Variants in EPB41L4A observed in about 807,000 individuals in gnomAD.
EPB41L4A encodes band 4.1-like protein 4A.
In EPB41L4A, 100 loss-of-function variants were observed where a neutral mutation model predicts 108.6. That is an observed-to-expected ratio of 0.92 (90% CI 0.78 to 1.09). EPB41L4A has a LOEUF of 1.09. Ranked by LOEUF, EPB41L4A falls within the 50% of genes least tolerant of loss-of-function variation. The probability of loss-of-function intolerance (pLI) is 0.00; values close to 1 mark genes in which losing one functional copy is unlikely to be tolerated. For missense variants in EPB41L4A, 1,030 were observed against 842.7 expected, an observed-to-expected ratio of 1.22 and a Z score of -2.75; for synonymous variants, 319 against 289.0, an observed-to-expected ratio of 1.10 and a Z score of -1.05.
chr5:112,239,653 C>A lies in EPB41L4A; in HGVS notation c.965+7G>T, dbSNP rs1749629932. On this transcript the variant is annotated splice_region_variant and intron_variant, in intron 11 of 22. Transcript: ENST00000261486. The stretch of plus-strand genomic sequence containing the variant: ...CACATCCCCCCAAGGAAAAAAATGT[C>A]ATTTACCTGTAGCGGTGCTTATAAC... The A allele has an allele frequency of 1.3e-6, 2 of 1,573,980 alleles. No individual in the cohort carries two copies. The highest frequency in any genetic ancestry group is 1.8e-5 in the Admixed American group (1 of 54,642).
At chr5:112,345,169 T>C (rs1035124386) in intron 1 of EPB41L4A, among the ~76,000 whole-genome samples, 10 of 152,340 alleles carry the variant, frequency 6.6e-5, no homozygotes, top group African/African-American at 2.4e-4. Context: ...GCCCACAGCA[T>C]GTCCAGAGTT....
chr5:112,323,984 G>T (rs1390287543), intron 1 of EPB41L4A, among the ~76,000 whole-genome samples: 2 of 152,088 alleles, frequency 1.3e-5, no homozygotes, highest in Non-Finnish European at 2.9e-5. Context: ...CAAGCAAAAG[G>T]CCTTTTTTCA....
chr5:112,360,275 C>G (rs1194389496), intron 1 of EPB41L4A, among the ~76,000 whole-genome samples: 1 of 152,002 alleles, frequency 6.6e-6, no homozygotes, highest in Non-Finnish European at 1.5e-5. Flanking sequence ...ATAAACTGAC[C>G]CTCGACCCTC....
chr5:112,364,066 T>C (rs180947774), intron 1 of EPB41L4A, among the ~76,000 whole-genome samples: 80 of 152,314 alleles, frequency 5.3e-4, no homozygotes, highest in African/African-American at 1.9e-3. Context: ...CTCGCTCTGT[T>C]GCCCAGGCTG....
intron 20 of EPB41L4A, among the ~76,000 whole-genome samples, chr5:112,169,790 G>A (rs950651222): frequency 1.3e-5 from 2 of 152,112 alleles, no homozygotes; most frequent in South Asian, 4.1e-4. Flanking sequence ...CTACAGAAGG[G>A]AAACAAAGCA....
chr5:112,278,900 CA>C (rs763389771), intron 3 of EPB41L4A, among the ~76,000 whole-genome samples: 13,389 of 117,356 alleles, frequency 0.11, 734 homozygotes, highest in African/African-American at 0.18. Flanking sequence ...ACTAAAAATA[CA>C]AAAAAAAAAA....
chr5:112,265,384 T>C (rs1751774903), intron 5 of EPB41L4A, among the ~76,000 whole-genome samples: 1 of 152,220 alleles, frequency 6.6e-6, no homozygotes, highest in Non-Finnish European at 1.5e-5. Flanking sequence ...TCCTCTCAGA[T>C]AATGACACCA....
At chr5:112,389,058 G>C (rs1260493374) in intron 1 of EPB41L4A, among the ~76,000 whole-genome samples, 1 of 152,074 alleles carries the variant, frequency 6.6e-6, no homozygotes, top group Middle Eastern at 3.2e-3. Flanking sequence ...GAGAGGAATT[G>C]TTGGACGTGG....
rs115971269 is a variant in EPB41L4A at position 112,389,348 on chromosome 5, G to A, written c.99+29593C>T. ...GTTTTGGACTAAGCTCCTACACTAG[G>A]CCCCAACAGACCAGACTGAAAAATC... On this transcript the variant is annotated intron_variant, in intron 1 of 22. Transcript: ENST00000261486. Among the ~76,000 whole-genome samples, 358 of 152,216 alleles carry A rather than the reference G, an allele frequency of 2.4e-3. 1 individual carries two copies. The highest frequency in any genetic ancestry group is 7.9e-3 in the African/African-American group (330 of 41,536).
At chr5:112,318,053 T>C (rs565695074) in intron 1 of EPB41L4A, among the ~76,000 whole-genome samples, 1 of 152,316 alleles carries the variant, frequency 6.6e-6, no homozygotes, top group South Asian at 2.1e-4. Context: ...AAGCCAGTCT[T>C]TCCTCATTTT....
At chr5:112,266,682 TG>T (rs1315009614) in intron 4 of EPB41L4A, among the ~76,000 whole-genome samples, 1 of 152,182 alleles carries the variant, frequency 6.6e-6, no homozygotes, top group African/African-American at 2.4e-5. Flanking sequence ...ACAGGGTGAA[TG>T]CAAAGGATAA....
At chr5:112,362,472 G>A (rs962690873) in intron 1 of EPB41L4A, among the ~76,000 whole-genome samples, 7 of 151,950 alleles carry the variant, frequency 4.6e-5, no homozygotes, top group African/African-American at 1.7e-4. Context: ...GTAGACACGG[G>A]ATTTCACCAT....
chr5:112,307,881 T>C (rs534675180), intron 1 of EPB41L4A, among the ~76,000 whole-genome samples: 1 of 152,228 alleles, frequency 6.6e-6, no homozygotes, highest in South Asian at 2.1e-4. Context: ...AAAGCAATTT[T>C]CACCTATAGC....
chr5:112,195,831 C>G, intron 15 of EPB41L4A, 123 bp from the exon 16 acceptor site: 2 of 797,580 alleles, frequency 2.5e-6, no homozygotes, highest in Non-Finnish European at 4.1e-6. Flanking sequence ...ATTTGCCAAA[C>G]ATTTACGTCA....
intron 12 of EPB41L4A, among the ~76,000 whole-genome samples, chr5:112,218,015 C>T (rs1265487516): frequency 2.6e-5 from 4 of 152,176 alleles, no homozygotes; most frequent in Admixed American, 6.5e-5. Context: ...TGTGAGTGCA[C>T]ATAAAGGCAC....
intron 1 of EPB41L4A, among the ~76,000 whole-genome samples, chr5:112,347,685 T>G (rs2150720982): frequency 6.6e-6 from 1 of 152,292 alleles, no homozygotes; most frequent in East Asian, 1.9e-4. Context: ...AGAACATAAT[T>G]GAATATTTGT....
intron 13 of EPB41L4A, chr5:112,145,758 C>T: frequency 3.1e-6 from 1 of 320,144 alleles, no homozygotes; most frequent in Non-Finnish European, 6.1e-6. Flanking sequence ...ACATCCTCAA[C>T]CAAATCACTG....
chr5:112,367,947 A>G (rs1482249114), intron 1 of EPB41L4A, among the ~76,000 whole-genome samples: 1 of 152,184 alleles, frequency 6.6e-6, no homozygotes, highest in Non-Finnish European at 1.5e-5. Flanking sequence ...ACGAGCTACT[A>G]TGTTTACCTT....
At chr5:112,355,616 C>G (rs1278486023) in intron 1 of EPB41L4A, among the ~76,000 whole-genome samples, 1 of 152,132 alleles carries the variant, frequency 6.6e-6, no homozygotes, top group South Asian at 2.1e-4. Flanking sequence ...AATACTCTTC[C>G]GAACCCTCTC....
Sources: allele counts gnomAD v4.1 joint callset (sites outside exome capture counted in the v4.1 genomes callset), GRCh38; gene constraint gnomAD v4.1.1; transcripts MANE v1.5; gene names NCBI Gene and HGNC (gene_info 2026-07-23, HGNC 2026-07-21).